The following HCN1 variants were observed in gnomAD, a reference collection of about 807,000 sequenced individuals.
HCN1 encodes the protein hyperpolarization activated cyclic nucleotide gated potassium channel 1, also known as potassium/sodium hyperpolarization-activated cyclic nucleotide-gated channel 1.
HCN1 carries 13 observed loss-of-function variants against 78.9 expected under a neutral mutation model. The ratio of observed to expected loss-of-function variants is 0.16; its 90% confidence interval spans 0.11 to 0.26. HCN1 has a LOEUF of 0.26. HCN1 is among the 10% of genes least tolerant of loss of function. HCN1 has a pLI of 1.00. For missense variants in HCN1, 810 were observed against 1,154.3 expected, an observed-to-expected ratio of 0.70 and a Z score of 4.32; for synonymous variants, 552 against 455.5, an observed-to-expected ratio of 1.21 and a Z score of -2.70.
intron 2 of HCN1, among the ~76,000 whole-genome samples, chr5:45,545,286 T>G (rs996749041): frequency 6.6e-6 from 1 of 152,182 alleles, no homozygotes; most frequent in Non-Finnish European, 1.5e-5. Context: ...CACTTTTTGA[T>G]GGGGTTGTTT....
At chr5:45,454,495 A>T (rs1046867418) in intron 3 of HCN1, among the ~76,000 whole-genome samples, 5 of 151,754 alleles carry the variant, frequency 3.3e-5, no homozygotes, top group Non-Finnish European at 5.9e-5. Flanking sequence ...AAAAATAAAA[A>T]AAAATAAAAA....
chr5:45,325,476 A>T (rs556857109), intron 5 of HCN1, among the ~76,000 whole-genome samples: 4 of 151,910 alleles, frequency 2.6e-5, no homozygotes, highest in East Asian at 3.9e-4. Context: ...CAAATAAAAC[A>T]TATAACTCAT....
chr5:45,691,612 G>A (rs1739914831), intron 1 of HCN1, among the ~76,000 whole-genome samples: 1 of 152,134 alleles, frequency 6.6e-6, no homozygotes, highest in South Asian at 2.1e-4. Context: ...TGGCTATGTT[G>A]ATATGAAAAG....
intron 2 of HCN1, among the ~76,000 whole-genome samples, chr5:45,638,821 G>C (rs548546841): frequency 6.6e-6 from 1 of 152,220 alleles, no homozygotes; most frequent in South Asian, 2.1e-4. Context: ...AGAATCACTT[G>C]AACTCAGGAG....
chr5:45,455,008 C>T (rs1740995293), intron 3 of HCN1, among the ~76,000 whole-genome samples: 1 of 152,064 alleles, frequency 6.6e-6, no homozygotes, highest in South Asian at 2.1e-4. Flanking sequence ...GGTTCCTGAT[C>T]TAAAGCCAGC....
intron 2 of HCN1, among the ~76,000 whole-genome samples, chr5:45,611,389 A>T (rs2111978916): frequency 6.8e-6 from 1 of 146,088 alleles, no homozygotes; most frequent in African/African-American, 2.5e-5. Flanking sequence ...CTTCTGCCTC[A>T]TCCTCCTGAG....
intron 2 of HCN1, among the ~76,000 whole-genome samples, chr5:45,635,316 T>C (rs1745336884): frequency 6.6e-6 from 1 of 151,996 alleles, no homozygotes; most frequent in African/African-American, 2.4e-5. Context: ...GAATTCTGAA[T>C]TCCCCCATTC....
intron 5 of HCN1, among the ~76,000 whole-genome samples, chr5:45,334,007 C>T (rs1160015850): frequency 6.6e-6 from 1 of 151,620 alleles, no homozygotes; most frequent in Admixed American, 6.6e-5. Flanking sequence ...TTCTTGAGTT[C>T]GGTTTCCAAT....
At chr5:45,560,254 A>C (rs1743568315) in intron 2 of HCN1, among the ~76,000 whole-genome samples, 1 of 152,118 alleles carries the variant, frequency 6.6e-6, no homozygotes, top group Non-Finnish European at 1.5e-5. Context: ...GTTTGTATGC[A>C]TTCTTGTTAT....
At chr5:45,431,338 G>T (rs1350982058) in intron 3 of HCN1, among the ~76,000 whole-genome samples, 1 of 151,876 alleles carries the variant, frequency 6.6e-6, no homozygotes, top group African/African-American at 2.4e-5. Context: ...TTGGATATTA[G>T]ACTTTGATGC....
At position 45,323,544 on chromosome 5, in the gene HCN1, G is replaced by A. The variant is rs560299362; in HGVS notation, c.1378-19705C>T. Among the ~76,000 whole-genome samples, 20 of 151,480 alleles carry A rather than the reference G, an allele frequency of 1.3e-4. No homozygotes were observed. In the South Asian group the frequency reaches 3.9e-3, roughly 30 times the overall value. ...AAGAATTCAACAAGACAAACATAGAGTAAAATTTTTCTTTTTTTTCATTTT... is the reference window on the plus strand; with the variant it reads ...AAGAATTCAACAAGACAAACATAGAATAAAATTTTTCTTTTTTTTCATTTT... On this transcript the variant is annotated intron_variant, in intron 5 of 7. Transcript: ENST00000303230.
intron 2 of HCN1, among the ~76,000 whole-genome samples, chr5:45,517,772 A>T (rs1742541006): frequency 6.6e-6 from 1 of 152,048 alleles, no homozygotes; most frequent in Non-Finnish European, 1.5e-5. Context: ...AATAAGAACA[A>T]GAACCACAAC....
At chr5:45,457,983 G>A (rs558242236) in intron 3 of HCN1, among the ~76,000 whole-genome samples, 90 of 152,098 alleles carry the variant, frequency 5.9e-4, no homozygotes, top group African/African-American at 1.7e-3. Context: ...CACCTGCGAC[G>A]GTTAGTGATT....
chr5:45,460,271 C>T (rs185723747), intron 3 of HCN1, among the ~76,000 whole-genome samples: 112 of 152,106 alleles, frequency 7.4e-4, no homozygotes, highest in Middle Eastern at 3.4e-3. Context: ...ATGTTCCTGC[C>T]GCCTTTCCAC....
intron 2 of HCN1, among the ~76,000 whole-genome samples, chr5:45,521,903 A>G (rs1309826842): frequency 6.6e-6 from 1 of 152,070 alleles, no homozygotes; most frequent in African/African-American, 2.4e-5. Flanking sequence ...ACAGAACATT[A>G]GGGTAAAGAC....
chr5:45,469,431 T>C (rs1741342345), intron 2 of HCN1, among the ~76,000 whole-genome samples: 1 of 152,006 alleles, frequency 6.6e-6, no homozygotes, highest in South Asian at 2.1e-4. Context: ...TATTCCTCTA[T>C]TAAAAATTTC....
chr5:45,643,093 G>A (rs1745484176), intron 2 of HCN1: 1 of 152,046 alleles, frequency 6.6e-6, no homozygotes, highest in Non-Finnish European at 1.5e-5. Flanking sequence ...TTACAATAAT[G>A]ATAGCAGTGA....
chr5:45,496,385 G>C (rs987074937), intron 2 of HCN1, among the ~76,000 whole-genome samples: 1 of 151,686 alleles, frequency 6.6e-6, no homozygotes, highest in Non-Finnish European at 1.5e-5. Flanking sequence ...TAGTTTATTT[G>C]CGTAGAGGTG....
chr5:45,374,633 C>T (rs766184975), intron 4 of HCN1, among the ~76,000 whole-genome samples: 17 of 150,442 alleles, frequency 1.1e-4, no homozygotes, highest in Non-Finnish European at 2.4e-4. Flanking sequence ...GGACTCCTTC[C>T]TAACTCATTC....
Sources: gnomAD v4.1 joint callset for allele counts (sites outside exome capture counted in the v4.1 genomes callset) on GRCh38, gnomAD v4.1.1 for gene constraint, MANE v1.5 for transcripts, NCBI Gene and HGNC (gene_info 2026-07-23, HGNC 2026-07-21) for gene names.